The following PLEC variants were observed in gnomAD, a reference collection of about 807,000 sequenced individuals.
PLEC encodes plectin.
A neutral mutation model predicts 392.8 loss-of-function variants in PLEC; 216 were observed. The ratio of observed to expected loss-of-function variants is 0.55; its 90% CI spans 0.49 to 0.62. PLEC has a LOEUF of 0.62. Ranked by LOEUF, PLEC falls within the 20% of genes least tolerant of loss-of-function variation. The pLI, the probability that PLEC is intolerant of heterozygous loss-of-function variation, is 0.00. For missense variants in PLEC, 6,863 were observed against 6,563.4 expected, an observed-to-expected ratio of 1.05 and a Z score of -1.58; for synonymous variants, 3,621 against 2,980.6, an observed-to-expected ratio of 1.21 and a Z score of -7.00.
At chr8:143,944,363 C>T (rs1554730987), upstream of PLEC, among the ~76,000 whole-genome samples, 1 of 152,228 alleles carries the variant, frequency 6.6e-6, no homozygotes, top group African/African-American at 2.4e-5. Flanking sequence ...CCAAGGCTGC[C>T]CTCTGGGGAC....
chr8:143,915,650 G>T lies in PLEC; in HGVS notation c.*527C>A. Reference sequence around the variant, plus strand: ...AGGAGTGAGTGTGGGGGGTGAGCTGGAAAGCACAGATCAGACAGCACTGTG... The same window carrying T: ...AGGAGTGAGTGTGGGGGGTGAGCTGTAAAGCACAGATCAGACAGCACTGTG... On this transcript the variant is annotated 3_prime_UTR_variant, in exon 32 of 32. Coordinates refer to ENST00000345136, the MANE Select transcript of PLEC (RefSeq NM_201384.3). 1 of 152,858 alleles carries T rather than the reference G, an allele frequency of 6.5e-6. No individual in the cohort carries two copies. Among genetic ancestry groups the T allele is most frequent in the Non-Finnish European group, 1.5e-5 (1 of 68,372 alleles). 9.5% of individuals were successfully genotyped at this position (152,858 alleles called of 1,614,324 possible).
Position 143,925,200 on chromosome 8 carries a change from C to G in PLEC, c.4729G>C (p.Glu1577Gln). Residue 1577 changes from glutamate (E) to glutamine (Q), a missense_variant, in exon 31 of 32, where the codon GAG (glutamate) becomes CAG (glutamine). Coordinates refer to ENST00000345136, the MANE Select transcript of PLEC (RefSeq NM_201384.3). ...AAGGAGGCGCGTTTGCTCTGCAGCTCCGCCTCTGCACTGCGCTGCGCCGTC... is the reference window on the plus strand; with the variant it reads ...AAGGAGGCGCGTTTGCTCTGCAGCTGCGCCTCTGCACTGCGCTGCGCCGTC... Reference protein sequence around the residue: ...LETAQRSAEAELQSKRASFAE... With the variant: ...LETAQRSAEAQLQSKRASFAE... 6.3e-7 allele frequency: 1 copy of G among 1,586,272 alleles called. No homozygotes were observed. The highest frequency in any genetic ancestry group is 1.1e-5 in the South Asian group (1 of 89,196).
upstream of PLEC, among the ~76,000 whole-genome samples, chr8:143,951,829 G>A (rs1301863251): frequency 1.3e-5 from 2 of 152,078 alleles, no homozygotes; most frequent in African/African-American, 2.4e-5. Context: ...TGCCCTGTGA[G>A]GCCCTGCAGG....
At position 143,922,267 on chromosome 8, in the gene PLEC, C is replaced by G; in HGVS notation, c.7554G>C (p.Gln2518His). Residue 2518 changes from glutamine (Q) to histidine (H), a missense_variant, in exon 32 of 32, where the codon CAG becomes CAC. Coordinates refer to ENST00000345136, the MANE Select transcript of PLEC (RefSeq NM_201384.3). ...FIEQEKAKLE[Q>H]LFQDEVAKAQ... The stretch of plus-strand genomic sequence containing the variant: ...CCTTGGCCACCTCGTCCTGGAAGAG[C>G]TGCTCCAGCTTGGCCTTCTCCTGCT... The G allele has an allele frequency of 6.2e-7, 1 of 1,602,272 alleles. No homozygotes were observed. The highest frequency in any genetic ancestry group is 8.5e-7 in the Non-Finnish European group (1 of 1,177,282).
At position 143,935,234 on chromosome 8, in the gene PLEC, G is replaced by A. The variant is rs200249446; in HGVS notation, c.682C>T (p.Arg228Trp). 6.3e-5 allele frequency: 101 copies of A among 1,612,302 alleles called. No homozygotes were observed. The African/African-American group carries it at 6.5e-4, about 10-fold the overall frequency. Residue 228 changes from arginine (R) to tryptophan (W), a missense_variant, in exon 7 of 32, where the codon CGG (arginine) becomes TGG (tryptophan). Physicochemically the swap from Arg to Trp is moderately radical, Grantham distance 101. Transcript: ENST00000345136. ...NLDQAFSVAERDLGVTRLLDP... is the reference protein window; with the variant it reads ...NLDQAFSVAEWDLGVTRLLDP... ...AGGAGCCGCGTCACTCCCAGGTCCCGCTCCGCCACAGAGAAGGCCTGGTCC... is the reference window on the plus strand; with the variant it reads ...AGGAGCCGCGTCACTCCCAGGTCCCACTCCGCCACAGAGAAGGCCTGGTCC...
chr8:143,948,018 G>C (rs1332691578), intron 1 of PLEC, among the ~76,000 whole-genome samples: 2 of 152,196 alleles, frequency 1.3e-5, no homozygotes, highest in African/African-American at 4.8e-5. Flanking sequence ...CCACATATCT[G>C]GAGCCCCCTG....
upstream of PLEC, among the ~76,000 whole-genome samples, chr8:143,943,509 C>A (rs1345365068): frequency 1.3e-5 from 2 of 152,236 alleles, no homozygotes; most frequent in Non-Finnish European, 1.5e-5. Flanking sequence ...GGCCTCCCTT[C>A]GTGTGGGGGA....
upstream of PLEC, among the ~76,000 whole-genome samples, chr8:143,958,061 G>A (rs1169483415): frequency 2.0e-5 from 3 of 152,150 alleles, no homozygotes; most frequent in African/African-American, 4.8e-5. This position sits in a 1 kb window ranked among gnomAD's most constrained non-coding sequence, Gnocchi z 4.9. Flanking sequence ...TCTGCTCCCC[G>A]CCTGAGCCTG....
At chr8:143,926,507 G>T (rs1825235302) in intron 30 of PLEC, among the ~76,000 whole-genome samples, 1 of 152,226 alleles carries the variant, frequency 6.6e-6, no homozygotes, top group Admixed American at 6.5e-5. Context: ...AGAGCCCACA[G>T]GACGGCCGCT....
At chr8:143,933,939 G>A in intron 12 of PLEC, 59 bp downstream of exon 12, 1 of 1,466,766 alleles carries the variant, frequency 6.8e-7, no homozygotes, top group Non-Finnish European at 9.3e-7. Flanking sequence ...TAGGGCTGCA[G>A]GGCGGGGCAG....
Position 143,923,731 on chromosome 8 carries a change from C to T in PLEC, c.6198G>A (p.Gln2066=), listed in dbSNP as rs201574539. 1.9e-6 allele frequency: 3 copies of T among 1,545,746 alleles called. No individual in the cohort carries two copies. Among genetic ancestry groups the T allele is most frequent in the South Asian group, 2.3e-5 (2 of 85,340 alleles). The change falls in exon 31 of 32, where the codon CAG becomes CAA. Residue 2066 remains glutamine, a synonymous_variant. Transcript: ENST00000345136. ...FAVQQKEQEL[Q]QTLQQEQSVL... is the part of the protein sequence containing the mutation. ...CGCTCTGCTCCTGCTGCAGCGTCTG[C>T]TGTAGCTCCTGCTCCTTCTGCTGCA... is the stretch of plus-strand genomic sequence containing the variant.
At chr8:143,926,547 G>A (rs1251198847) in intron 30 of PLEC, among the ~76,000 whole-genome samples, 8 of 152,246 alleles carry the variant, frequency 5.3e-5, no homozygotes, top group African/African-American at 9.6e-5. Context: ...CACGAGGGAG[G>A]AGAGGCGGCA....
At chr8:143,951,259 GGT>G (rs782483518), upstream of PLEC, among the ~76,000 whole-genome samples, 15 of 152,156 alleles carry the variant, frequency 9.9e-5, no homozygotes, top group Non-Finnish European at 1.8e-4. Flanking sequence ...TGTGGGCTCT[GGT>G]GTCCCGGCTT....
chr8:143,969,579 A>G lies in PLEC; in HGVS notation c.70+3824T>C, dbSNP rs1833309255. On this transcript the variant is annotated intron_variant, in intron 1 of 31. Coordinates refer to the PLEC transcript ENST00000356346. This position sits in a 1 kb window ranked among gnomAD's most constrained non-coding sequence, Gnocchi z 5.1. ...GGGGTGGGTGTGGCAGGGCGGGGACAGTTCTAGGAGAGAGTTGTGGCAATG... is the reference window on the plus strand; with the variant it reads ...GGGGTGGGTGTGGCAGGGCGGGGACGGTTCTAGGAGAGAGTTGTGGCAATG... Among the ~76,000 whole-genome samples the G allele has an allele frequency of 6.6e-6, 1 of 152,054 alleles. No homozygotes were observed. Among genetic ancestry groups the G allele is most frequent in the South Asian group, 2.1e-4 (1 of 4,822 alleles).
rs782567600 is a variant in PLEC at position 143,917,608 on chromosome 8, G to A, written c.12213C>T (p.Leu4071=). 55 of 1,613,710 alleles carry A rather than the reference G, an allele frequency of 3.4e-5. 2 individuals carry two copies. The South Asian group carries it at 5.6e-4, about 16-fold the overall frequency. Residue 4071 remains leucine (L), a synonymous_variant, in exon 32 of 32, where the codon CTC becomes CTT. Transcript: ENST00000345136. ...LPVEVAYKRG[L]FDEEMNEILT... ...GGATCTCGTTCATCTCCTCATCGAAGAGGCCGCGCTTGTAGGCCACCTCCA... is the reference window on the plus strand; with the variant it reads ...GGATCTCGTTCATCTCCTCATCGAAAAGGCCGCGCTTGTAGGCCACCTCCA...
rs782043368 is a variant in PLEC at position 143,921,083 on chromosome 8, G to A, written c.8738C>T (p.Pro2913Leu). The A allele has an allele frequency of 2.7e-5, 44 of 1,611,786 alleles. No individual in the cohort carries two copies. Among genetic ancestry groups the A allele is most frequent in the Middle Eastern group, 1.6e-4 (1 of 6,084 alleles). Residue 2913 changes from proline (P) to leucine (L), a missense_variant, in exon 32 of 32, where the codon CCG (proline) becomes CTG (leucine). By Grantham distance (98) the Pro-to-Leu change is moderately conservative. Coordinates refer to ENST00000345136, the MANE Select transcript of PLEC (RefSeq NM_201384.3). ...CGTCTTGCCCTGGAACTTGCCGAACGGCGCAGACACGGTGGCCTTCTCAAA... is the reference window on the plus strand; with the variant it reads ...CGTCTTGCCCTGGAACTTGCCGAACAGCGCAGACACGGTGGCCTTCTCAAA... Reference protein sequence around the residue: ...DVFEKATVSAPFGKFQGKTVT... With the variant: ...DVFEKATVSALFGKFQGKTVT...
chr8:143,925,023 G>T lies in PLEC; in HGVS notation c.4906C>A (p.Leu1636Ile). Residue 1636 changes from leucine to isoleucine, a missense_variant, in exon 31 of 32, where the codon CTC becomes ATC. By Grantham distance (5) the Leu-to-Ile change is conservative. Coordinates refer to ENST00000345136, the MANE Select transcript of PLEC (RefSeq NM_201384.3). Reference sequence around the variant, plus strand: ...AGCCGTAGCGCCTCGTTGGCCTTGAGCTGCCAGCGCTCCAGCTCCCGCTCT... The same window carrying T: ...AGCCGTAGCGCCTCGTTGGCCTTGATCTGCCAGCGCTCCAGCTCCCGCTCT... ...EAERELERWQ[L>I]KANEALRLRL... is the part of the protein sequence containing the mutation. 1 of 1,566,938 alleles carries T rather than the reference G, an allele frequency of 6.4e-7. No individual in the cohort carries two copies. Among genetic ancestry groups the T allele is most frequent in the Non-Finnish European group, 8.6e-7 (1 of 1,164,098 alleles).
Position 143,916,968 on chromosome 8 carries a change from C to T in PLEC, c.12853G>A (p.Asp4285Asn). The change falls in exon 32 of 32, where the codon GAC (aspartate) becomes AAC (asparagine). Residue 4285 changes from aspartate to asparagine, a missense_variant. Physicochemically the swap from Asp to Asn is conservative, Grantham distance 23. Coordinates refer to ENST00000345136, the MANE Select transcript of PLEC (RefSeq NM_201384.3). ...GACACCTTCTCCAGCGTCTCCGTGTCCAGGATGCCAGCCACGGGGCCCGTC... is the reference window on the plus strand; with the variant it reads ...GACACCTTCTCCAGCGTCTCCGTGTTCAGGATGCCAGCCACGGGGCCCGTC... ...EETGPVAGIL[D>N]TETLEKVSIT... 1.2e-6 allele frequency: 2 copies of T among 1,612,866 alleles called. No individual in the cohort carries two copies. The highest frequency in any genetic ancestry group is 1.1e-5 in the South Asian group (1 of 91,088).
In PLEC at chr8:143,922,404, G is replaced by C; in HGVS notation, c.7426-9C>G. ...TGCTGCACCGTCTGCATCTGCAGAA[G>C]AAGAGGGTGTGATCAGGGACCGCCA... On this transcript the variant is annotated splice_polypyrimidine_tract_variant and intron_variant, in intron 31 of 31. Transcript: ENST00000345136. The C allele has an allele frequency of 6.2e-7, 1 of 1,601,102 alleles. No homozygotes were observed. The highest frequency in any genetic ancestry group is 8.5e-7 in the Non-Finnish European group (1 of 1,179,930).
Sources: allele counts gnomAD v4.1 joint callset (sites outside exome capture counted in the v4.1 genomes callset), GRCh38; gene constraint gnomAD v4.1.1; non-coding constraint Gnocchi (gnomAD v3.1); transcripts MANE v1.5; gene names NCBI Gene and HGNC (gene_info 2026-07-23, HGNC 2026-07-21).